SPCS2: variants seen among roughly 807,000 people sequenced by gnomAD.
The protein encoded by SPCS2 is signal peptidase complex subunit 2, also known as SPase 25 kDa subunit.
SPCS2 carries 3 observed loss-of-function variants against 22.3 expected under a neutral mutation model. The observed-to-expected ratio is 0.13, with a 90% confidence interval of 0.06 to 0.35. SPCS2 has a LOEUF of 0.35. Among genes scored for constraint, SPCS2 ranks in the 10% least tolerant of loss-of-function variants. The pLI, the probability that SPCS2 is intolerant of heterozygous loss-of-function variation, is 1.00. For missense variants in SPCS2, 169 were observed against 280.9 expected, an observed-to-expected ratio of 0.60 and a Z score of 2.85; for synonymous variants, 67 against 97.2, an observed-to-expected ratio of 0.69 and a Z score of 1.83.
intron 3 of SPCS2, among the ~76,000 whole-genome samples, chr11:74,968,975 A>G (rs1591740723): frequency 6.6e-6 from 1 of 152,142 alleles, no homozygotes; most frequent in African/African-American, 2.4e-5. Context: ...AGCCTTGTTT[A>G]TGAAATTTAA....
At chr11:74,963,681 A>G (rs1305079285) in intron 1 of SPCS2, 1 of 415,170 alleles carries the variant, frequency 2.4e-6, no homozygotes, top group South Asian at 1.8e-5. Flanking sequence ...AGTATCTGGG[A>G]TGGCAGGTAC....
chr11:74,959,926 C>T (rs1470136760), intron 1 of SPCS2, among the ~76,000 whole-genome samples: 1 of 152,138 alleles, frequency 6.6e-6, no homozygotes, highest in Non-Finnish European at 1.5e-5. Context: ...TTTTATTATT[C>T]AAATGTGCAG....
chr11:74,965,191 T>C (rs1026563929), intron 2 of SPCS2, 74 bp downstream of exon 2: 127 of 1,049,400 alleles, frequency 1.2e-4, no homozygotes, highest in Non-Finnish European at 1.7e-4. Context: ...CTTTTCCTTT[T>C]GTAACTTGGA....
intron 3 of SPCS2, among the ~76,000 whole-genome samples, chr11:74,968,528 T>G (rs1212900216): frequency 6.7e-6 from 1 of 150,196 alleles, no homozygotes; most frequent in East Asian, 1.9e-4. Context: ...GTTTTTTTTT[T>G]TTTTTGAGAC....
At chr11:74,950,271 CAAAGTG>C (rs111440928) in intron 1 of SPCS2, among the ~76,000 whole-genome samples, 47 of 152,286 alleles carry the variant, frequency 3.1e-4, no homozygotes, top group African/African-American at 1.1e-3. Flanking sequence ...TTCTCATCTG[CAAAGTG>C]AGAGATTTAG....
chr11:74,949,896 T>G (rs1424935074), intron 1 of SPCS2, among the ~76,000 whole-genome samples: 2 of 152,200 alleles, frequency 1.3e-5, no homozygotes, highest in Non-Finnish European at 2.9e-5. Flanking sequence ...TGAAAATATT[T>G]GAGTATTGAC....
intron 1 of SPCS2, among the ~76,000 whole-genome samples, chr11:74,954,025 C>A (rs1297534341): frequency 6.6e-6 from 1 of 152,100 alleles, no homozygotes; most frequent in Admixed American, 6.5e-5. Flanking sequence ...ATTTTTGGAC[C>A]TTTTTTTAGG....
intron 1 of SPCS2, among the ~76,000 whole-genome samples, chr11:74,956,073 G>C (rs1591735534): frequency 6.6e-6 from 1 of 151,376 alleles, no homozygotes; most frequent in African/African-American, 2.4e-5. Flanking sequence ...CTTGCCCCCA[G>C]CTTTCCTCCT....
intron 1 of SPCS2, among the ~76,000 whole-genome samples, chr11:74,960,235 G>A (rs1416676601): frequency 6.6e-6 from 1 of 152,224 alleles, no homozygotes; most frequent in Non-Finnish European, 1.5e-5. Context: ...GGGAGGCTGA[G>A]GCATGAGAAT....
chr11:74,951,336 T>A (rs920622029), intron 1 of SPCS2, among the ~76,000 whole-genome samples: 3 of 152,070 alleles, frequency 2.0e-5, no homozygotes, highest in Non-Finnish European at 4.4e-5. Flanking sequence ...AGTACAGATG[T>A]GTGATGGTGG....
At chr11:74,956,283 C>T (rs1948478336) in intron 1 of SPCS2, among the ~76,000 whole-genome samples, 1 of 152,078 alleles carries the variant, frequency 6.6e-6, no homozygotes, top group African/African-American at 2.4e-5. Flanking sequence ...TCAACCTGGA[C>T]CTTTCCTATA....
intron 3 of SPCS2, 25 bp downstream of exon 3, chr11:74,965,948 G>A (rs562662623): frequency 8.9e-6 from 14 of 1,566,922 alleles, no homozygotes; most frequent in Middle Eastern, 1.7e-4. Context: ...TGCTCAGGTT[G>A]TTTTCTAGTG....
chr11:74,957,674 G>A (rs1948487918), intron 1 of SPCS2, among the ~76,000 whole-genome samples: 1 of 152,132 alleles, frequency 6.6e-6, no homozygotes, highest in Non-Finnish European at 1.5e-5. Flanking sequence ...AACTTGTAGT[G>A]TGCCCTTGCC....
At chr11:74,967,070 G>C (rs976109966) in intron 3 of SPCS2, among the ~76,000 whole-genome samples, 3 of 152,194 alleles carry the variant, frequency 2.0e-5, no homozygotes, top group South Asian at 2.1e-4. Flanking sequence ...AAAACTTCAT[G>C]TTGGGGATTT....
intron 1 of SPCS2, among the ~76,000 whole-genome samples, chr11:74,950,490 G>A (rs1042754874): frequency 6.6e-6 from 1 of 152,158 alleles, no homozygotes; most frequent in African/African-American, 2.4e-5. Flanking sequence ...TATGTTGAGG[G>A]GTTAAGATCC....
chr11:74,952,839 G>A (rs1948454610), intron 1 of SPCS2, among the ~76,000 whole-genome samples: 1 of 152,182 alleles, frequency 6.6e-6, no homozygotes, highest in Non-Finnish European at 1.5e-5. Flanking sequence ...CTTAGTTTCA[G>A]CCTTACATTG....
intron 1 of SPCS2, among the ~76,000 whole-genome samples, chr11:74,957,380 C>T (rs767363736): frequency 6.6e-6 from 1 of 152,120 alleles, no homozygotes; most frequent in South Asian, 2.1e-4. Flanking sequence ...TCAGATGAAA[C>T]GGCTGTATGG....
At position 74,949,321 on chromosome 11, in the gene SPCS2, T is replaced by C. The variant is rs1195046768; in HGVS notation, c.36T>C (p.Gly12=). 2 of 1,550,190 alleles carry C rather than the reference T, an allele frequency of 1.3e-6. No homozygotes were observed. Among genetic ancestry groups the C allele is most frequent in the Admixed American group, 2.0e-5 (1 of 50,474 alleles). Residue 12 remains glycine (G), a synonymous_variant, in exon 1 of 5, where the codon GGT becomes GGC. Coordinates refer to ENST00000263672, the MANE Select transcript of SPCS2 (RefSeq NM_014752.3). ...AAAAVQGGRS[G]GSGGCSGAGG... ...CAGCTGTACAGGGCGGGAGAAGCGG[T>C]GGTAGCGGAGGCTGTAGTGGGGCTG... is the stretch of plus-strand genomic sequence containing the variant.
intron 1 of SPCS2, 46 bp from the exon 2 acceptor site, chr11:74,964,988 A>C: frequency 7.5e-7 from 1 of 1,330,770 alleles, no homozygotes; most frequent in Non-Finnish European, 1.0e-6. Context: ...TACTTTCAGT[A>C]AGAGGCCAGG....
Sources: allele counts gnomAD v4.1 joint callset (sites outside exome capture counted in the v4.1 genomes callset), GRCh38; gene constraint gnomAD v4.1.1; transcripts MANE v1.5; gene names NCBI Gene and HGNC (gene_info 2026-07-23, HGNC 2026-07-21).